The following ACKR2 variants were observed in gnomAD, a reference collection of about 807,000 sequenced individuals.
The protein encoded by ACKR2 is C-C chemokine receptor D6.
For synonymous variants in ACKR2, 207 were observed against 192.2 expected, an observed-to-expected ratio of 1.08 and a Z score of -0.64; for missense variants, 457 against 477.3, an observed-to-expected ratio of 0.96 and a Z score of 0.40.
chr3:42,857,260 T>A (rs1270998259), intron 2 of ACKR2, among the ~76,000 whole-genome samples: 1 of 152,172 alleles, frequency 6.6e-6, no homozygotes, highest in East Asian at 1.9e-4. Flanking sequence ...GTGGGCTGAT[T>A]CAAGAGGAGA....
chr3:42,843,909 C>G (rs1400455421), intron 2 of ACKR2: 1 of 152,230 alleles, frequency 6.6e-6, no homozygotes, highest in Non-Finnish European at 1.5e-5. Context: ...ATGACTTCCT[C>G]ATTTTGTAGC....
At chr3:42,831,921 G>A (rs1700935747) in intron 2 of ACKR2, among the ~76,000 whole-genome samples, 2 of 152,254 alleles carry the variant, frequency 1.3e-5, no homozygotes, top group South Asian at 4.1e-4. Context: ...TGAACATAGG[G>A]AAATACATGG....
chr3:42,861,143 C>T (rs908535804), intron 2 of ACKR2, among the ~76,000 whole-genome samples: 11 of 151,948 alleles, frequency 7.2e-5, no homozygotes, highest in South Asian at 2.1e-4. Context: ...AAAGGAGACA[C>T]GAATCAAATA....
At chr3:42,847,391 C>T (rs1018384040) in intron 2 of ACKR2, among the ~76,000 whole-genome samples, 4 of 151,992 alleles carry the variant, frequency 2.6e-5, no homozygotes, top group African/African-American at 9.7e-5. Context: ...CCTTTTGTGC[C>T]GTCAATGGAG....
chr3:42,840,068 C>T (rs922812720), intron 2 of ACKR2, among the ~76,000 whole-genome samples: 3 of 151,738 alleles, frequency 2.0e-5, no homozygotes, highest in African/African-American at 7.3e-5. Flanking sequence ...ACCATCCTGG[C>T]CAACATGGTG....
At chr3:42,814,258 A>G (rs1700726993) in intron 1 of ACKR2, among the ~76,000 whole-genome samples, 1 of 152,238 alleles carries the variant, frequency 6.6e-6, no homozygotes, top group Admixed American at 6.5e-5. Flanking sequence ...CTATTATTCC[A>G]TTCTTCGTAT....
At chr3:42,853,403 C>A (rs1416211371) in intron 2 of ACKR2, among the ~76,000 whole-genome samples, 1 of 152,058 alleles carries the variant, frequency 6.6e-6, no homozygotes, top group African/African-American at 2.4e-5. Flanking sequence ...ATATAAAGCT[C>A]AGGGAAGGGG....
At position 42,865,526 on chromosome 3, in the gene ACKR2, G is replaced by C; in HGVS notation, c.1024G>C (p.Ala342Pro). 1 of 1,614,116 alleles carries C rather than the reference G, an allele frequency of 6.2e-7. No homozygotes were observed. Among genetic ancestry groups the C allele is most frequent in the Non-Finnish European group, 8.5e-7 (1 of 1,180,022 alleles). Residue 342 changes from alanine (A) to proline (P), a missense_variant, in exon 3 of 3, where the codon GCC becomes CCC. By Grantham distance (27) the Ala-to-Pro change is conservative (BLOSUM62 -1). Transcript: ENST00000422265. ...GCACCTGGCACCTGGCACTGCCCAG[G>C]CCTCATTATCCAGCTGTTCTGAGAG... ...GWHLAPGTAQ[A>P]SLSSCSESSI...
intron 2 of ACKR2, chr3:42,835,425 G>A (rs979753561): frequency 1.3e-5 from 2 of 151,792 alleles, no homozygotes; most frequent in African/African-American, 2.4e-5. Flanking sequence ...TTCACTGACT[G>A]CTCTGTTCAT....
chr3:42,850,889 C>G (rs539263864), intron 2 of ACKR2: 10 of 152,466 alleles, frequency 6.6e-5, no homozygotes, highest in African/African-American at 2.4e-4. Flanking sequence ...GGAGATGAAA[C>G]TATTGGTGAC....
chr3:42,841,105 G>C (rs1039960922), intron 2 of ACKR2, among the ~76,000 whole-genome samples: 1 of 152,114 alleles, frequency 6.6e-6, no homozygotes, highest in African/African-American at 2.4e-5. Flanking sequence ...AAACACATAT[G>C]ATTATCAATT....
chr3:42,837,134 T>C (rs551495942), intron 2 of ACKR2, among the ~76,000 whole-genome samples: 1 of 152,200 alleles, frequency 6.6e-6, no homozygotes, highest in East Asian at 1.9e-4. Flanking sequence ...AAACGGATGG[T>C]GTAACTGTCA....
At chr3:42,829,947 C>T (rs1700913674) in intron 2 of ACKR2, among the ~76,000 whole-genome samples, 2 of 152,328 alleles carry the variant, frequency 1.3e-5, no homozygotes, top group South Asian at 4.1e-4. Flanking sequence ...CCCCCATAAT[C>T]CAGTTTCAGG....
At chr3:42,813,035 T>C (rs1991438) in intron 1 of ACKR2, among the ~76,000 whole-genome samples, 145,570 of 152,284 alleles carry the variant, frequency 0.96, 69,934 homozygotes, top group East Asian at 1. Flanking sequence ...AAGTGATTGA[T>C]TTAGACAGTT....
chr3:42,825,541 T>C (rs1277349994), intron 2 of ACKR2, among the ~76,000 whole-genome samples: 2 of 151,750 alleles, frequency 1.3e-5, no homozygotes, highest in Non-Finnish European at 2.9e-5. Context: ...ATTGATCTTG[T>C]ATCCTGAATG....
In ACKR2 at chr3:42,865,693, A is replaced by G. The variant is rs2088429866; in HGVS notation, c.*36A>G. 1.3e-6 allele frequency: 2 copies of G among 1,543,182 alleles called. No homozygotes were observed. The highest frequency in any genetic ancestry group is 1.8e-5 in the Admixed American group (1 of 54,932). On this transcript the variant is annotated 3_prime_UTR_variant, in exon 3 of 3. Transcript: ENST00000422265. ...TTTGGTCTGGTGGGAACAGATGGGA[A>G]CCAGCTCAATTGGGTGTCCACTCAA...
Position 42,864,902 on chromosome 3 carries a change from T to G in ACKR2, c.400T>G (p.Phe134Val), listed in dbSNP as rs2088417950. 1 of 1,614,154 alleles carries G rather than the reference T, an allele frequency of 6.2e-7. No homozygotes were observed. The highest frequency in any genetic ancestry group is 8.5e-7 in the Non-Finnish European group (1 of 1,180,036). ...TATTAACTTTTACAGTGGCATCTTT[T>G]TCATTAGCTGCATGAGCCTGGACAA... ...YTINFYSGIF[F>V]ISCMSLDKYL... is the part of the protein sequence containing the mutation. The change falls in exon 3 of 3, where the codon TTC (phenylalanine) becomes GTC (valine). Residue 134 changes from phenylalanine to valine, a missense_variant. By Grantham distance (50) the Phe-to-Val change is conservative (BLOSUM62 -1). Transcript: ENST00000422265.
chr3:42,853,763 A>T (rs905906889), intron 2 of ACKR2, among the ~76,000 whole-genome samples: 3 of 152,208 alleles, frequency 2.0e-5, no homozygotes, highest in African/African-American at 7.2e-5. Flanking sequence ...AGGATTAAAT[A>T]AATTAATATA....
chr3:42,860,860 G>C (rs1333451897), intron 2 of ACKR2, among the ~76,000 whole-genome samples: 2 of 152,208 alleles, frequency 1.3e-5, no homozygotes, highest in Non-Finnish European at 2.9e-5. Flanking sequence ...CACAGCTAAA[G>C]CAGTGTTTAC....
Sources: allele counts gnomAD v4.1 joint callset (sites outside exome capture counted in the v4.1 genomes callset), GRCh38; gene constraint gnomAD v4.1.1; transcripts MANE v1.5; gene names NCBI Gene and HGNC (gene_info 2026-07-23, HGNC 2026-07-21).